TBC1D32: variants seen among roughly 807,000 people sequenced by gnomAD.
TBC1D32 encodes the protein protein broad-minded.
In TBC1D32, 151 loss-of-function variants were observed where a neutral mutation model predicts 170.3. The ratio of observed to expected loss-of-function variants is 0.89; its 90% CI spans 0.78 to 1.01. The LOEUF is 1.01. Among genes scored for constraint, TBC1D32 ranks in the 50% least tolerant of loss-of-function variants. The pLI, the probability that TBC1D32 is intolerant of heterozygous loss-of-function variation, is 0.00. For missense variants in TBC1D32, 1,464 were observed against 1,457.1 expected (o/e 1.00, Z -0.08); for synonymous variants, 498 against 488.0 (o/e 1.02, Z -0.27).
chr6:121,315,644 C>T (rs1444921766), intron 3 of TBC1D32, among the ~76,000 whole-genome samples: 3 of 152,026 alleles, frequency 2.0e-5, no homozygotes, highest in Non-Finnish European at 2.9e-5. Flanking sequence ...TAGGAAAATT[C>T]AGACCTTTTT....
intron 21 of TBC1D32, among the ~76,000 whole-genome samples, chr6:121,209,192 T>A (rs1214897383): frequency 6.6e-6 from 1 of 151,790 alleles, no homozygotes; most frequent in African/African-American, 2.4e-5. Flanking sequence ...AAATAAGCTA[T>A]ACTAATACTG....
chr6:121,316,524 G>C (rs1244606069), intron 3 of TBC1D32, among the ~76,000 whole-genome samples: 1 of 152,060 alleles, frequency 6.6e-6, no homozygotes, highest in Non-Finnish European at 1.5e-5. Flanking sequence ...ACAGCATGAA[G>C]AAAATTCACA....
intron 15 of TBC1D32, among the ~76,000 whole-genome samples, chr6:121,263,865 A>G (rs1240301035): frequency 1.3e-5 from 2 of 152,228 alleles, no homozygotes; most frequent in Non-Finnish European, 2.9e-5. Flanking sequence ...GTAAGGCAGA[A>G]ATCAAGAATT....
intron 21 of TBC1D32, among the ~76,000 whole-genome samples, chr6:121,219,873 A>G (rs1794293886): frequency 6.6e-6 from 1 of 152,142 alleles, no homozygotes. Flanking sequence ...AACTTTTCAT[A>G]ATTATTCCGT....
chr6:121,244,070 C>G (rs987052468), intron 17 of TBC1D32, among the ~76,000 whole-genome samples: 1 of 151,504 alleles, frequency 6.6e-6, no homozygotes, highest in Non-Finnish European at 1.5e-5. Flanking sequence ...TAAACTAATG[C>G]AATAAATTGG....
chr6:121,257,103 T>G (rs1212947345), intron 15 of TBC1D32, among the ~76,000 whole-genome samples: 1 of 152,220 alleles, frequency 6.6e-6, no homozygotes, highest in Non-Finnish European at 1.5e-5. Context: ...ACTGATTTGT[T>G]GGAAAAACAG....
intron 31 of TBC1D32, among the ~76,000 whole-genome samples, chr6:121,083,807 T>C (rs1270282749): frequency 2.0e-5 from 3 of 152,168 alleles, no homozygotes; most frequent in Admixed American, 2.0e-4. Flanking sequence ...TTTTCATGTG[T>C]TAAATGTAGA....
intron 22 of TBC1D32, among the ~76,000 whole-genome samples, chr6:121,196,086 T>C (rs1365042530): frequency 6.6e-6 from 1 of 152,196 alleles, no homozygotes; most frequent in Non-Finnish European, 1.5e-5. Context: ...GTATCCCATA[T>C]GAGTGCTCAC....
At chr6:121,199,101 T>TA (rs1290704445) in intron 22 of TBC1D32, among the ~76,000 whole-genome samples, 4 of 151,406 alleles carry the variant, frequency 2.6e-5, no homozygotes, top group Non-Finnish European at 2.9e-5. Flanking sequence ...AGGGTGTAGA[T>TA]AAAAATACAT....
intron 22 of TBC1D32, among the ~76,000 whole-genome samples, chr6:121,190,109 C>G (rs979903094): frequency 1.4e-5 from 2 of 146,944 alleles, no homozygotes; most frequent in South Asian, 4.5e-4. Context: ...CACACACACA[C>G]ACACACACAC....
chr6:121,304,897 T>A (rs1807089740), intron 5 of TBC1D32, 64 bp from the exon 6 acceptor site: 2 of 1,053,760 alleles, frequency 1.9e-6, no homozygotes, highest in Admixed American at 2.2e-5. Context: ...AGATGAAACA[T>A]TTTTCACACA....
intron 22 of TBC1D32, among the ~76,000 whole-genome samples, chr6:121,192,066 T>TTATCTATATATA (rs1790131242): frequency 8.2e-6 from 1 of 122,414 alleles, no homozygotes; most frequent in Admixed American, 9.7e-5. Context: ...AAACTACCCT[T>TTATCTATATATA]TATATATATA....
intron 22 of TBC1D32, among the ~76,000 whole-genome samples, chr6:121,197,053 C>G (rs1400295775): frequency 6.6e-6 from 1 of 152,168 alleles, no homozygotes; most frequent in Non-Finnish European, 1.5e-5. Flanking sequence ...AGGTTGCCAC[C>G]TGGATACTTT....
chr6:121,115,816 T>C (rs1394820890), intron 26 of TBC1D32: 2 of 152,248 alleles, frequency 1.3e-5, no homozygotes, highest in Non-Finnish European at 2.9e-5. Flanking sequence ...TCATAATGAA[T>C]CACTTTTCAT....
At chr6:121,239,931 A>G (rs1796741899) in intron 19 of TBC1D32, among the ~76,000 whole-genome samples, 2 of 152,182 alleles carry the variant, frequency 1.3e-5, no homozygotes, top group Non-Finnish European at 2.9e-5. Context: ...TATGGGCTCT[A>G]AAATCAAGAA....
intron 2 of TBC1D32, among the ~76,000 whole-genome samples, chr6:121,320,506 T>A (rs1583744495): frequency 6.6e-6 from 1 of 152,106 alleles, no homozygotes; most frequent in Non-Finnish European, 1.5e-5. Flanking sequence ...TAGAATTAAG[T>A]TTAATGATAC....
intron 24 of TBC1D32, among the ~76,000 whole-genome samples, chr6:121,148,648 C>T (rs1010896937): frequency 6.6e-6 from 1 of 151,994 alleles, no homozygotes. Context: ...GAGTCTCGCT[C>T]TGTCACCTGG....
intron 22 of TBC1D32, among the ~76,000 whole-genome samples, chr6:121,202,587 A>G (rs1372600380): frequency 1.3e-5 from 2 of 151,314 alleles, no homozygotes; most frequent in Non-Finnish European, 2.9e-5. Context: ...ATATTTTGCT[A>G]TATAGATCAG....
intron 2 of TBC1D32, among the ~76,000 whole-genome samples, chr6:121,320,165 T>C (rs1427120929): frequency 6.6e-6 from 1 of 150,944 alleles, no homozygotes; most frequent in Non-Finnish European, 1.5e-5. Context: ...ACAGATGTAG[T>C]GTTGCTACAT....
Sources: allele counts gnomAD v4.1 joint callset (sites outside exome capture counted in the v4.1 genomes callset), GRCh38; gene constraint gnomAD v4.1.1; transcripts MANE v1.5; gene names NCBI Gene and HGNC (gene_info 2026-07-23, HGNC 2026-07-21).